MSH3: variants seen among roughly 807,000 people sequenced by gnomAD.
MSH3 encodes the protein DNA mismatch repair protein Msh3.
In MSH3, 106 loss-of-function variants were observed where a neutral mutation model predicts 123.3. That is an observed-to-expected ratio of 0.86 (90% CI 0.73 to 1.01). MSH3 has a LOEUF of 1.01. Among genes scored for constraint, MSH3 ranks in the 50% least tolerant of loss-of-function variants. The probability of loss-of-function intolerance (pLI) is 0.00; values close to 1 mark genes in which losing one functional copy is unlikely to be tolerated. For synonymous variants in MSH3, 515 were observed against 481.4 expected, an observed-to-expected ratio of 1.07 and a Z score of -0.91; for missense variants, 1,459 against 1,347.6, an observed-to-expected ratio of 1.08 and a Z score of -1.29.
chr5:80,806,945 G>C (rs1173545457), intron 19 of MSH3, among the ~76,000 whole-genome samples: 2 of 152,046 alleles, frequency 1.3e-5, no homozygotes, highest in Non-Finnish European at 2.9e-5. Context: ...GCTTACATCT[G>C]TAATCCCAGG....
intron 15 of MSH3, among the ~76,000 whole-genome samples, chr5:80,774,588 A>G (rs1744267528): frequency 6.6e-6 from 1 of 152,212 alleles, no homozygotes; most frequent in South Asian, 2.1e-4. Flanking sequence ...AAATGGGTAA[A>G]GAAGCTGTAG....
Position 80,670,213 on chromosome 5 carries a change from A to G in MSH3, c.696A>G (p.Leu232=). Residue 232 remains leucine (L), a synonymous_variant, in exon 4 of 24, where the codon CTA becomes CTG. Transcript: ENST00000265081. ...NKRSKSIYTP[L]ELQYIEMKQQ... is the part of the protein sequence containing the mutation. Reference sequence around the variant, plus strand: ...GGTCCAAAAGCATCTATACGCCGCTAGAATTACAATACATAGAAATGAAGC... The same window carrying G: ...GGTCCAAAAGCATCTATACGCCGCTGGAATTACAATACATAGAAATGAAGC... 2 of 1,614,200 alleles carry G rather than the reference A, an allele frequency of 1.2e-6. No homozygotes were observed. Among genetic ancestry groups the G allele is most frequent in the East Asian group, 2.2e-5 (1 of 44,870 alleles).
intron 13 of MSH3, among the ~76,000 whole-genome samples, chr5:80,762,790 T>TTTATTTTATGTTATGTTATG (rs1554072034): frequency 1.1e-3 from 143 of 132,962 alleles, no homozygotes; most frequent in African/African-American, 3.3e-3. Flanking sequence ...TTTATTTTAT[T>TTTATTTTATGTTATGTTATG]TTATGTTATG....
At chr5:80,843,740 C>T (rs1171960029) in intron 20 of MSH3, among the ~76,000 whole-genome samples, 2 of 151,980 alleles carry the variant, frequency 1.3e-5, no homozygotes, top group African/African-American at 2.4e-5. Context: ...TCTGTGGGAT[C>T]GGTGGTAATG....
intron 12 of MSH3, among the ~76,000 whole-genome samples, chr5:80,748,865 T>A (rs1743774313): frequency 6.6e-6 from 1 of 152,080 alleles, no homozygotes; most frequent in Admixed American, 6.6e-5. Context: ...TTATGTGGGA[T>A]GAGTCTCTAA....
intron 11 of MSH3, among the ~76,000 whole-genome samples, chr5:80,741,976 T>C (rs888336759): frequency 2.6e-5 from 4 of 152,010 alleles, no homozygotes; most frequent in African/African-American, 7.2e-5. Context: ...GACTGTAAGA[T>C]GCATAACATT....
At chr5:80,850,595 C>G (rs1280524262) in intron 20 of MSH3, among the ~76,000 whole-genome samples, 2 of 152,158 alleles carry the variant, frequency 1.3e-5, no homozygotes, top group Middle Eastern at 3.2e-3. Flanking sequence ...TTAAAACCAT[C>G]AGATTTCATG....
Position 80,784,212 on chromosome 5 carries a change from C to CAAAAAAAAAA in MSH3, c.2436-3335_2436-3326dup, listed in dbSNP as rs1192783960. 1.4e-3 allele frequency among the ~76,000 whole-genome samples: 17 copies of CAAAAAAAAAA among 11,986 alleles called. 1 individual carries two copies. The highest frequency in any genetic ancestry group is 3.8e-3 in the Admixed American group (3 of 792). The allele number at this position is 11,986 out of a possible 152,430, so 7.9% of individuals were successfully genotyped here. ...GCGAAAGAGCGAGACTACTACGTCG[C>CAAAAAAAAAA]AAAAAAAAAAAAAAAAAAAAAAAAA... On this transcript the variant is annotated intron_variant, in intron 17 of 23. Coordinates refer to ENST00000265081, the MANE Select transcript of MSH3 (RefSeq NM_002439.5).
rs1554074174 is a variant in MSH3 at position 80,808,873 on chromosome 5, A to ATATATG, written c.2656-4706_2656-4705insGTATAT. Among the ~76,000 whole-genome samples, 1,350 of 137,018 alleles carry ATATATG rather than the reference A, an allele frequency of 9.9e-3. 52 individuals carry two copies. Among genetic ancestry groups the ATATATG allele is most frequent in the African/African-American group, 0.034 (1,258 of 36,878 alleles). The allele number at this position is 137,018 out of a possible 152,430, so 89.9% of individuals were successfully genotyped here. On this transcript the variant is annotated intron_variant, in intron 19 of 23. Coordinates refer to ENST00000265081, the MANE Select transcript of MSH3 (RefSeq NM_002439.5). ...ATATCTTCTTCATATATATATATATATATATATATACACAATCTAAATTCG... is the reference window on the plus strand; with the variant it reads ...ATATCTTCTTCATATATATATATATATATATGTATATATATACACAATCTAAATTCG...
intron 21 of MSH3, among the ~76,000 whole-genome samples, chr5:80,856,127 C>T (rs957131298): frequency 2.6e-5 from 4 of 152,028 alleles, no homozygotes; most frequent in Non-Finnish European, 4.4e-5. Context: ...TCCAGTGATC[C>T]ACCTGCCTTG....
At chr5:80,807,828 A>G (rs555833202) in intron 19 of MSH3, among the ~76,000 whole-genome samples, 191 of 152,328 alleles carry the variant, frequency 1.3e-3, no homozygotes, top group Non-Finnish European at 2.1e-3. Context: ...GACCGGGGCT[A>G]TTACACCAAT....
intron 18 of MSH3, among the ~76,000 whole-genome samples, chr5:80,790,878 G>A (rs1744594640): frequency 1.3e-5 from 2 of 152,206 alleles, no homozygotes; most frequent in Admixed American, 1.3e-4. Context: ...TATTCATGGT[G>A]ATGGTGAAAT....
intron 17 of MSH3, among the ~76,000 whole-genome samples, chr5:80,781,258 C>T (rs1245767084): frequency 6.6e-6 from 1 of 152,100 alleles, no homozygotes; most frequent in Admixed American, 6.5e-5. Flanking sequence ...ACTAAAATTA[C>T]ACCTTTCAGT....
intron 8 of MSH3, among the ~76,000 whole-genome samples, chr5:80,685,651 C>T (rs1336953570): frequency 6.6e-6 from 1 of 151,842 alleles, no homozygotes; most frequent in Middle Eastern, 3.2e-3. Flanking sequence ...GTTTCAGTTT[C>T]ATTTATTTCT....
intron 19 of MSH3, among the ~76,000 whole-genome samples, chr5:80,796,787 C>G (rs1744705633): frequency 6.6e-6 from 1 of 152,156 alleles, no homozygotes; most frequent in South Asian, 2.1e-4. Flanking sequence ...TTCTTTTTGT[C>G]CCCTTCCTTG....
At chr5:80,735,350 C>A (rs1366316055) in intron 10 of MSH3, among the ~76,000 whole-genome samples, 2 of 139,496 alleles carry the variant, frequency 1.4e-5, no homozygotes, top group African/African-American at 5.4e-5. Context: ...TGCCACTGCA[C>A]TCCAGCCTCG....
chr5:80,784,223 A>G lies in MSH3; in HGVS notation c.2436-3342A>G, dbSNP rs1313055566. Among the ~76,000 whole-genome samples the G allele has an allele frequency of 4.4e-5, 6 of 136,424 alleles. 1 individual carries two copies. Among genetic ancestry groups the G allele is most frequent in the Non-Finnish European group, 9.2e-5 (6 of 65,506 alleles). The allele number at this position is 136,424 out of a possible 152,430, so 89.5% of individuals were successfully genotyped here. ...AGACTACTACGTCGCAAAAAAAAAA[A>G]AAAAAAAAAAAAAAAAGGGAAATAA... On this transcript the variant is annotated intron_variant, in intron 17 of 23. Coordinates refer to ENST00000265081, the MANE Select transcript of MSH3 (RefSeq NM_002439.5).
At chr5:80,871,818 G>C (rs1301210584) in intron 22 of MSH3, among the ~76,000 whole-genome samples, 1 of 152,096 alleles carries the variant, frequency 6.6e-6, no homozygotes, top group Non-Finnish European at 1.5e-5. Context: ...TACAGAGAGG[G>C]AATGACACAA....
intron 19 of MSH3, among the ~76,000 whole-genome samples, chr5:80,802,077 A>G (rs566313483): frequency 6.6e-6 from 1 of 152,342 alleles, no homozygotes; most frequent in Admixed American, 6.5e-5. Context: ...AATAAGTGTT[A>G]GATTAAGATT....
Sources: allele counts gnomAD v4.1 joint callset (sites outside exome capture counted in the v4.1 genomes callset), GRCh38; gene constraint gnomAD v4.1.1; transcripts MANE v1.5; gene names NCBI Gene and HGNC (gene_info 2026-07-23, HGNC 2026-07-21).